Variants in STK32B observed in about 807,000 individuals in gnomAD.
STK32B encodes serine/threonine kinase 32B.
Under a neutral mutation model 52.6 loss-of-function variants are expected in STK32B, and 43 were observed. The observed-to-expected ratio is 0.82, with a 90% confidence interval of 0.64 to 1.05. The LOEUF (loss-of-function observed/expected upper bound fraction) is 1.05. Ranked by LOEUF, STK32B falls within the 50% of genes least tolerant of loss-of-function variation. The probability of loss-of-function intolerance (pLI) is 0.00; values close to 1 mark genes in which losing one functional copy is unlikely to be tolerated. For synonymous variants in STK32B, 238 were observed against 204.3 expected, an observed-to-expected ratio of 1.17 and a Z score of -1.41; for missense variants, 621 against 534.6, an observed-to-expected ratio of 1.16 and a Z score of -1.59.
chr4:5,163,143 G>T (rs942665088), intron 2 of STK32B, among the ~76,000 whole-genome samples: 1 of 152,226 alleles, frequency 6.6e-6, no homozygotes, highest in Non-Finnish European at 1.5e-5. Context: ...CGGGTAAGGA[G>T]TGGGACAGGA....
intron 4 of STK32B, among the ~76,000 whole-genome samples, chr4:5,377,287 A>C (rs1735647814): frequency 6.6e-6 from 1 of 152,210 alleles, no homozygotes; most frequent in Non-Finnish European, 1.5e-5. Flanking sequence ...AAATAACAGC[A>C]AAAGGGGTGA....
chr4:5,257,579 GAC>G (rs1726412162), intron 3 of STK32B, among the ~76,000 whole-genome samples: 1 of 152,206 alleles, frequency 6.6e-6, no homozygotes, highest in Admixed American at 6.5e-5. Flanking sequence ...CAGCTAAGGA[GAC>G]ACGTTTCCAT....
intron 4 of STK32B, among the ~76,000 whole-genome samples, chr4:5,331,710 C>T (rs1732262732): frequency 6.6e-6 from 1 of 152,078 alleles, no homozygotes; most frequent in Admixed American, 6.5e-5. Context: ...GTTACAGGAG[C>T]ATTATTATAC....
chr4:5,262,750 A>G (rs1211379757), intron 3 of STK32B, among the ~76,000 whole-genome samples: 1 of 152,134 alleles, frequency 6.6e-6, no homozygotes, highest in Non-Finnish European at 1.5e-5. Context: ...TTTCATATTA[A>G]ATACATAGAG....
chr4:5,043,143 C>T, the STK32B span, among the ~76,000 whole-genome samples: 1 of 147,614 alleles, frequency 6.8e-6, no homozygotes, highest in Non-Finnish European at 1.5e-5. Flanking sequence ...AAAACCTGTG[C>T]AGCATGAATA....
At chr4:5,177,193 G>A (rs1489311655) in intron 3 of STK32B, among the ~76,000 whole-genome samples, 2 of 152,144 alleles carry the variant, frequency 1.3e-5, no homozygotes, top group Non-Finnish European at 1.5e-5. Flanking sequence ...AGTTCTGCGT[G>A]GCTGGGGAGG....
At chr4:5,145,124 T>G (rs1294986364) in intron 2 of STK32B, among the ~76,000 whole-genome samples, 2 of 152,194 alleles carry the variant, frequency 1.3e-5, no homozygotes, top group African/African-American at 4.8e-5. Context: ...TCTCATTATT[T>G]TAGTATGAAA....
chr4:5,218,352 G>C (rs993869267), intron 3 of STK32B, among the ~76,000 whole-genome samples: 10 of 152,196 alleles, frequency 6.6e-5, no homozygotes, highest in Non-Finnish European at 1.3e-4. Flanking sequence ...TATTTAGGAA[G>C]TTTCTGTGAT....
At chr4:5,104,800 G>GT (rs886951528) in intron 1 of STK32B, among the ~76,000 whole-genome samples, 1 of 152,096 alleles carries the variant, frequency 6.6e-6, no homozygotes, top group African/African-American at 2.4e-5. Context: ...TCCTGGCTTT[G>GT]TTTTTTCAAC....
rs1269653643 is a variant in STK32B, at chr4:5,331,247, G to A, written c.288G>A (p.Met96Ile). The part of the protein sequence containing the change: ...LWYSFQDEED[M>I]FMVVDLLLGG... ...ACTCCTTCCAGGATGAGGAGGACATGTTCATGGTGGTGGACCTGCTCCTGG... is the reference window on the plus strand; with the variant it reads ...ACTCCTTCCAGGATGAGGAGGACATATTCATGGTGGTGGACCTGCTCCTGG... Residue 96 changes from methionine to isoleucine, a missense_variant, in exon 4 of 12, where the codon ATG becomes ATA. Transcript: ENST00000282908. 1.9e-6 allele frequency: 3 copies of A among 1,613,564 alleles called. No homozygotes were observed. The highest frequency in any genetic ancestry group is 1.3e-5 in the African/African-American group (1 of 74,918).
the STK32B span, among the ~76,000 whole-genome samples, chr4:5,039,296 G>A: frequency 1.3e-5 from 2 of 152,120 alleles, no homozygotes; most frequent in African/African-American, 4.8e-5. Flanking sequence ...ACCACACTTG[G>A]CCACTTTCTG....
intron 3 of STK32B, among the ~76,000 whole-genome samples, chr4:5,238,820 A>G (rs1724807514): frequency 6.6e-6 from 1 of 152,362 alleles, no homozygotes; most frequent in African/African-American, 2.4e-5. Flanking sequence ...CACAAGGCAC[A>G]GATAAGCATA....
intron 3 of STK32B, among the ~76,000 whole-genome samples, chr4:5,268,537 T>G (rs1210484086): frequency 7.9e-6 from 1 of 126,508 alleles, no homozygotes; most frequent in African/African-American, 3.2e-5. Context: ...TTGCTTGGTG[T>G]GGTGTGTGTG....
intron 4 of STK32B, among the ~76,000 whole-genome samples, chr4:5,383,477 C>T (rs1305963053): frequency 6.6e-6 from 1 of 152,212 alleles, no homozygotes; most frequent in African/African-American, 2.4e-5. Flanking sequence ...CTCCCCTGAA[C>T]GAGCCCAGGA....
intron 1 of STK32B, among the ~76,000 whole-genome samples, chr4:5,129,280 A>C (rs1424788750): frequency 1.3e-5 from 2 of 152,136 alleles, no homozygotes; most frequent in East Asian, 3.9e-4. Context: ...TGCCCTGCTC[A>C]CTGAATAACT....
chr4:5,171,789 G>A (rs1267044850), intron 3 of STK32B, among the ~76,000 whole-genome samples: 3 of 149,620 alleles, frequency 2.0e-5, no homozygotes, highest in East Asian at 2.0e-4. Flanking sequence ...TTGGCAATGT[G>A]GGCTCTGTTT....
intron 3 of STK32B, among the ~76,000 whole-genome samples, chr4:5,276,131 A>C (rs2108864061): frequency 6.6e-6 from 1 of 152,046 alleles, no homozygotes; most frequent in South Asian, 2.1e-4. Flanking sequence ...TCTACTAAAA[A>C]CACAAAAATT....
At chr4:5,243,682 T>A (rs1192973779) in intron 3 of STK32B, among the ~76,000 whole-genome samples, 2 of 152,214 alleles carry the variant, frequency 1.3e-5, no homozygotes, top group Non-Finnish European at 2.9e-5. Context: ...TGCTTCCAGT[T>A]TTTGTCCATT....
chr4:5,072,625 T>C (rs1381589935), intron 1 of STK32B, among the ~76,000 whole-genome samples: 4 of 152,146 alleles, frequency 2.6e-5, no homozygotes, highest in African/African-American at 9.7e-5. Context: ...TTTGCAATCA[T>C]TTGGAGTTTA....
Sources: gnomAD v4.1 joint callset for allele counts (sites outside exome capture counted in the v4.1 genomes callset) on GRCh38, gnomAD v4.1.1 for gene constraint, MANE v1.5 for transcripts, NCBI Gene and HGNC (gene_info 2026-07-23, HGNC 2026-07-21) for gene names.